The following FCHSD2 variants were observed in gnomAD, a reference collection of about 807,000 sequenced individuals.
The protein encoded by FCHSD2 is F-BAR and double SH3 domains protein 2.
In FCHSD2, 38 loss-of-function variants were observed where a neutral mutation model predicts 108.1. That is an observed-to-expected ratio of 0.35 (90% CI 0.27 to 0.46). The LOEUF (loss-of-function observed/expected upper bound fraction) is 0.46, where lower values mean the gene tolerates loss of function less well. Among genes scored for constraint, FCHSD2 ranks in the 20% least tolerant of loss-of-function variants. FCHSD2 has a pLI of 1.00. For missense variants in FCHSD2, 751 were observed against 897.8 expected (o/e 0.84, Z 2.09); for synonymous variants, 279 against 314.7 (o/e 0.89, Z 1.20).
At chr11:73,073,309 G>A (rs1859476124) in intron 3 of FCHSD2, among the ~76,000 whole-genome samples, 1 of 152,164 alleles carries the variant, frequency 6.6e-6, no homozygotes, top group African/African-American at 2.4e-5. Context: ...TACTTCTGGA[G>A]AATTACAAAG....
At chr11:72,925,224 T>C (rs773870697) in intron 8 of FCHSD2, among the ~76,000 whole-genome samples, 10 of 152,246 alleles carry the variant, frequency 6.6e-5, no homozygotes, top group African/African-American at 1.9e-4. Flanking sequence ...AAAGTTCTGC[T>C]GGTACTTCTG....
intron 3 of FCHSD2, among the ~76,000 whole-genome samples, chr11:73,030,830 AG>A: frequency 6.6e-6 from 1 of 152,306 alleles, no homozygotes; most frequent in South Asian, 2.1e-4. Flanking sequence ...GTGTGCCTAG[AG>A]CACCTAAAGC....
chr11:72,983,939 C>G, intron 8 of FCHSD2, 149 bp downstream of exon 8: 1 of 720,400 alleles, frequency 1.4e-6, no homozygotes, highest in Non-Finnish European at 2.5e-6. Flanking sequence ...GAAACAGATG[C>G]TATCCAAACA....
intron 2 of FCHSD2, among the ~76,000 whole-genome samples, chr11:73,137,376 C>T (rs932238803): frequency 1.8e-4 from 28 of 152,096 alleles, no homozygotes; most frequent in Non-Finnish European, 2.9e-4. Context: ...TCTGTCTTTA[C>T]ATATTATATA....
At chr11:73,071,215 T>TGCA (rs1348787347) in intron 3 of FCHSD2, among the ~76,000 whole-genome samples, 1 of 152,214 alleles carries the variant, frequency 6.6e-6, no homozygotes, top group Non-Finnish European at 1.5e-5. Flanking sequence ...TTCCTAGTTT[T>TGCA]GCACTTCAGA....
In FCHSD2 at chr11:72,981,667, T is replaced by C. The variant is rs75432004; in HGVS notation, c.705+2421A>G. The stretch of plus-strand genomic sequence containing the variant: ...TGGTCCTTGTAAGTCTGAAGCACTA[T>C]GTAATACCTAATACGATACTAAAAC... On this transcript the variant is annotated intron_variant, in intron 8 of 19. Coordinates refer to ENST00000409418, the MANE Select transcript of FCHSD2 (RefSeq NM_014824.3). 6.8e-3 allele frequency among the ~76,000 whole-genome samples: 1,033 copies of C among 152,308 alleles called. 5 individuals are homozygous for C. Among genetic ancestry groups the C allele is most frequent in the South Asian group, 0.014 (67 of 4,830 alleles).
At chr11:72,910,446 T>TA (rs1303700248) in intron 9 of FCHSD2, among the ~76,000 whole-genome samples, 1 of 152,162 alleles carries the variant, frequency 6.6e-6, no homozygotes, top group Non-Finnish European at 1.5e-5. Context: ...TAGAAAGAAG[T>TA]AGACATAGGA....
At chr11:73,001,849 C>T (rs778502875) in intron 4 of FCHSD2, among the ~76,000 whole-genome samples, 3 of 152,128 alleles carry the variant, frequency 2.0e-5, no homozygotes, top group Non-Finnish European at 4.4e-5. Context: ...ATGTGCTCAG[C>T]AATCTCAGTC....
intron 6 of FCHSD2, among the ~76,000 whole-genome samples, chr11:72,985,599 T>C (rs1857295919): frequency 6.6e-6 from 1 of 152,176 alleles, no homozygotes; most frequent in Admixed American, 6.5e-5. Context: ...CTTCTATTAT[T>C]TCCACCATTA....
chr11:73,115,121 C>T (rs1287324763), intron 2 of FCHSD2, among the ~76,000 whole-genome samples: 1 of 152,212 alleles, frequency 6.6e-6, no homozygotes, highest in Non-Finnish European at 1.5e-5. Context: ...GGAGATTCCC[C>T]TCTGACTATG....
In FCHSD2 at chr11:72,838,508, C is replaced by T. The variant is rs1860800792; in HGVS notation, c.*283G>A. The T allele has an allele frequency of 2.1e-6, 1 of 474,196 alleles. No homozygotes were observed. Among genetic ancestry groups the T allele is most frequent in the African/African-American group, 2.0e-5 (1 of 51,278 alleles). 29.4% of individuals were successfully genotyped at this position (474,196 alleles called of 1,614,324 possible). On this transcript the variant is annotated 3_prime_UTR_variant, in exon 20 of 20. Coordinates refer to ENST00000409418, the MANE Select transcript of FCHSD2 (RefSeq NM_014824.3). The stretch of plus-strand genomic sequence containing the variant: ...CCTGTTCTTGAGTCTCATATAAAAA[C>T]AGACCACTGTTAGGCATGAGGGCTG...
intron 2 of FCHSD2, among the ~76,000 whole-genome samples, chr11:73,124,955 T>C (rs1860819660): frequency 6.6e-6 from 1 of 152,094 alleles, no homozygotes; most frequent in South Asian, 2.1e-4. Flanking sequence ...AACAAGTCTA[T>C]AAGTAAGAGC....
intron 2 of FCHSD2, among the ~76,000 whole-genome samples, chr11:73,085,216 C>CT: frequency 6.6e-6 from 1 of 152,188 alleles, no homozygotes; most frequent in Non-Finnish European, 1.5e-5. Flanking sequence ...AAAACGAAGA[C>CT]TAAGATTTTT....
chr11:73,000,923 C>A, intron 5 of FCHSD2, 67 bp downstream of exon 5: 2 of 1,359,832 alleles, frequency 1.5e-6, no homozygotes, highest in Admixed American at 4.5e-5. Context: ...TTTAGCATAA[C>A]CTTGCAGATT....
At chr11:73,134,736 C>T (rs779741041) in intron 2 of FCHSD2, among the ~76,000 whole-genome samples, 1 of 152,148 alleles carries the variant, frequency 6.6e-6, no homozygotes, top group Non-Finnish European at 1.5e-5. Context: ...CTCACGTTAA[C>T]GGTTTGAAAA....
chr11:73,035,301 G>A (rs1183001553), intron 3 of FCHSD2, among the ~76,000 whole-genome samples: 1 of 152,014 alleles, frequency 6.6e-6, no homozygotes, highest in Non-Finnish European at 1.5e-5. Context: ...GCTCAAGAGA[G>A]TAGCTGGCAC....
intron 9 of FCHSD2, among the ~76,000 whole-genome samples, chr11:72,918,062 T>C (rs1855911046): frequency 1.3e-5 from 2 of 152,238 alleles, no homozygotes; most frequent in South Asian, 4.1e-4. Flanking sequence ...ATTTATATCT[T>C]TTATTTCTTT....
intron 2 of FCHSD2, among the ~76,000 whole-genome samples, chr11:73,090,718 A>G (rs1196117115): frequency 6.6e-6 from 1 of 152,226 alleles, no homozygotes; most frequent in Admixed American, 6.5e-5. Flanking sequence ...TCCTGTTTGT[A>G]CTATTTGAAT....
chr11:73,115,839 G>A (rs1860589913), intron 2 of FCHSD2, among the ~76,000 whole-genome samples: 1 of 152,170 alleles, frequency 6.6e-6, no homozygotes, highest in Non-Finnish European at 1.5e-5. Flanking sequence ...ATTATTGAGG[G>A]TAGCCTCCTT....
Sources: allele counts gnomAD v4.1 joint callset (sites outside exome capture counted in the v4.1 genomes callset), GRCh38; gene constraint gnomAD v4.1.1; transcripts MANE v1.5; gene names NCBI Gene and HGNC (gene_info 2026-07-23, HGNC 2026-07-21).